MSRB3: variants seen among roughly 807,000 people sequenced by gnomAD.
MSRB3 encodes methionine sulfoxide reductase B3.
Under a neutral mutation model 21.0 loss-of-function variants are expected in MSRB3, and 13 were observed. The observed-to-expected ratio is 0.62, with a 90% CI of 0.40 to 0.98. The LOEUF is 0.98. Among genes scored for constraint, MSRB3 ranks in the 50% least tolerant of loss-of-function variants. The pLI is 0.00. For missense variants in MSRB3, 199 were observed against 230.3 expected, an observed-to-expected ratio of 0.86 and a Z score of 0.88; for synonymous variants, 87 against 88.6, an observed-to-expected ratio of 0.98 and a Z score of 0.10.
rs567997295 is a variant in MSRB3 at position 65,410,494 on chromosome 12, A to G, written c.292+41468A>G. ...CTGTCTCTACAAAAAAATACAAAAA[A>G]TTAGCTGAGTGTCGTGGCATGCACC... is the stretch of plus-strand genomic sequence containing the variant. On this transcript the variant is annotated intron_variant, in intron 5 of 6. Transcript: ENST00000308259. 2.6e-5 allele frequency among the ~76,000 whole-genome samples: 4 copies of G among 152,226 alleles called. No homozygotes were observed. In the South Asian group the frequency reaches 8.3e-4, roughly 32 times the overall value.
At chr12:65,304,903 T>C (rs1022406384) in intron 1 of MSRB3, among the ~76,000 whole-genome samples, 2 of 152,156 alleles carry the variant, frequency 1.3e-5, no homozygotes, top group Non-Finnish European at 2.9e-5. Context: ...TAGATTAACA[T>C]AGAGTTAGCT....
chr12:65,422,734 CAAT>C (rs933138352), intron 5 of MSRB3, among the ~76,000 whole-genome samples: 1 of 151,474 alleles, frequency 6.6e-6, no homozygotes, highest in African/African-American at 2.4e-5. Flanking sequence ...TATTTTAAAT[CAAT>C]GTTTTATAGT....
intron 4 of MSRB3, among the ~76,000 whole-genome samples, chr12:65,343,452 A>G (rs2136477521): frequency 6.6e-6 from 1 of 152,102 alleles, no homozygotes; most frequent in East Asian, 1.9e-4. Flanking sequence ...GCCTAGAGGC[A>G]ATCAATGAAG....
intron 4 of MSRB3, among the ~76,000 whole-genome samples, chr12:65,362,525 C>G (rs1877770678): frequency 6.6e-6 from 1 of 152,132 alleles, no homozygotes; most frequent in South Asian, 2.1e-4. Context: ...GTTTTTAAGA[C>G]AGGCTATTAG....
chr12:65,349,679 A>G (rs1876800614), intron 4 of MSRB3, among the ~76,000 whole-genome samples: 1 of 147,442 alleles, frequency 6.8e-6, no homozygotes, highest in African/African-American at 2.7e-5. Context: ...GCATTTTTTC[A>G]AGTGTTTTTT....
At chr12:65,321,986 A>G (rs1048742673) in intron 2 of MSRB3, among the ~76,000 whole-genome samples, 9 of 152,186 alleles carry the variant, frequency 5.9e-5, no homozygotes, top group Admixed American at 3.3e-4. Context: ...CTGATTCTAG[A>G]ACCAAAATTA....
chr12:65,432,320 T>C (rs1014274424), intron 5 of MSRB3, among the ~76,000 whole-genome samples: 12 of 151,954 alleles, frequency 7.9e-5, no homozygotes, highest in African/African-American at 2.7e-4. Context: ...CAAGCTGAAA[T>C]GTTATACCCT....
At chr12:65,390,481 C>T (rs1177545930) in intron 5 of MSRB3, among the ~76,000 whole-genome samples, 1 of 152,086 alleles carries the variant, frequency 6.6e-6, no homozygotes, top group Non-Finnish European at 1.5e-5. Flanking sequence ...ATGCAAATTG[C>T]ATCAACTATA....
At chr12:65,426,438 T>G (rs552644482) in intron 5 of MSRB3, among the ~76,000 whole-genome samples, 1 of 152,300 alleles carries the variant, frequency 6.6e-6, no homozygotes, top group Non-Finnish European at 1.5e-5. Context: ...CTCCCTTAAA[T>G]GTGATTGCTT....
At chr12:65,325,449 G>C (rs6581627) in intron 2 of MSRB3, among the ~76,000 whole-genome samples, 90,027 of 151,634 alleles carry the variant, frequency 0.59, 27,708 homozygotes, top group African/African-American at 0.77. Flanking sequence ...TGCTCTTTGG[G>C]TCTGGCTTGC....
chr12:65,438,107 T>G (rs541123430), intron 5 of MSRB3, among the ~76,000 whole-genome samples: 1 of 152,084 alleles, frequency 6.6e-6, no homozygotes, highest in African/African-American at 2.4e-5. Context: ...GCACTTTTAT[T>G]TGTGTTATTT....
intron 5 of MSRB3, among the ~76,000 whole-genome samples, chr12:65,394,185 T>A (rs1265085277): frequency 6.6e-6 from 1 of 152,120 alleles, no homozygotes; most frequent in East Asian, 1.9e-4. Context: ...TCTTTATGCT[T>A]GAATTTTAAT....
At chr12:65,279,029 G>A in intron 1 of MSRB3, 164 bp downstream of exon 1, 3 of 1,438,748 alleles carry the variant, frequency 2.1e-6, no homozygotes. Flanking sequence ...GGGAGCAGAA[G>A]GGTTGCGCCC....
intron 4 of MSRB3, among the ~76,000 whole-genome samples, chr12:65,352,544 T>C (rs933913169): frequency 5.3e-5 from 8 of 151,978 alleles, no homozygotes; most frequent in Non-Finnish European, 1.0e-4. Context: ...GCAGACGACA[T>C]GATTGTATAT....
intron 5 of MSRB3, among the ~76,000 whole-genome samples, chr12:65,388,830 C>G (rs528412014): frequency 6.6e-6 from 1 of 152,036 alleles, no homozygotes; most frequent in Admixed American, 6.5e-5. Context: ...CATGATCGTT[C>G]GCTGCACTCT....
At chr12:65,304,635 A>C (rs977168781) in intron 1 of MSRB3, among the ~76,000 whole-genome samples, 12 of 152,238 alleles carry the variant, frequency 7.9e-5, no homozygotes, top group Non-Finnish European at 2.9e-5. Flanking sequence ...AAAGTGAGGA[A>C]GTTGAGAATA....
chr12:65,398,170 T>C (rs955275565), intron 5 of MSRB3, among the ~76,000 whole-genome samples: 8 of 152,210 alleles, frequency 5.3e-5, no homozygotes, highest in Non-Finnish European at 1.0e-4. Context: ...TCTAGATCCT[T>C]GAGGAATTGC....
intron 4 of MSRB3, among the ~76,000 whole-genome samples, chr12:65,363,911 G>A (rs181127673): frequency 1.7e-3 from 258 of 152,230 alleles, no homozygotes; most frequent in African/African-American, 5.7e-3. Context: ...GCTTGAACCC[G>A]GGAGGTGGAG....
At chr12:65,411,197 A>T (rs1880699881) in intron 5 of MSRB3, among the ~76,000 whole-genome samples, 1 of 152,234 alleles carries the variant, frequency 6.6e-6, no homozygotes, top group Non-Finnish European at 1.5e-5. Context: ...AGTGGGACAT[A>T]CATCAAGTGA....
Sources: allele counts gnomAD v4.1 joint callset (sites outside exome capture counted in the v4.1 genomes callset), GRCh38; gene constraint gnomAD v4.1.1; transcripts MANE v1.5; gene names NCBI Gene and HGNC (gene_info 2026-07-23, HGNC 2026-07-21).